The following KCNMA1 variants were observed in gnomAD, a reference collection of about 807,000 sequenced individuals.
The protein encoded by KCNMA1 is Calcium-activated potassium channel subunit alpha-1.
In KCNMA1, 29 loss-of-function variants were observed where a neutral mutation model predicts 140.0. The ratio of observed to expected loss-of-function variants is 0.21; its 90% CI spans 0.15 to 0.28. The LOEUF (loss-of-function observed/expected upper bound fraction) is 0.28. Among genes scored for constraint, KCNMA1 ranks in the 10% least tolerant of loss-of-function variants. The pLI, the probability that KCNMA1 is intolerant of heterozygous loss-of-function variation, is 1.00. For synonymous variants in KCNMA1, 612 were observed against 611.9 expected, an observed-to-expected ratio of 1.00 and a Z score of 0.00; for missense variants, 880 against 1,602.2, an observed-to-expected ratio of 0.55 and a Z score of 7.70.
chr10:77,636,306 CAG>C (rs1284893750), intron 1 of KCNMA1: 1 of 1,502,628 alleles, frequency 6.7e-7, no homozygotes, highest in African/African-American at 1.4e-5. Flanking sequence ...GACACGACTA[CAG>C]ACCAGGCAGT....
At position 77,090,437 on chromosome 10, in the gene KCNMA1, G is replaced by T. The variant is rs1232485384; in HGVS notation, c.1297C>A (p.Arg433=). Residue 433 remains arginine, a synonymous_variant, in exon 10 of 28, where the codon CGG becomes AGG. Transcript: ENST00000286628. ...NFLKDFLHKD[R]DDVNVEIVFL... is the part of the protein sequence containing the mutation. ...ACGATCTCCACATTGACGTCATCCCGGTCCTTGTGCAGAAAGTCCTTCAGG... is the reference window on the plus strand; with the variant it reads ...ACGATCTCCACATTGACGTCATCCCTGTCCTTGTGCAGAAAGTCCTTCAGG... 1 of 1,613,760 alleles carries T rather than the reference G, an allele frequency of 6.2e-7. No individual in the cohort carries two copies. The highest frequency in any genetic ancestry group is 8.5e-7 in the Non-Finnish European group (1 of 1,179,678).
At chr10:76,926,835 G>T (rs557918664) in intron 23 of KCNMA1, among the ~76,000 whole-genome samples, 2 of 152,000 alleles carry the variant, frequency 1.3e-5, no homozygotes, top group African/African-American at 4.8e-5. Context: ...CAAGAGATGC[G>T]CACCAAATAC....
chr10:76,925,345 G>C (rs1357121507), intron 23 of KCNMA1, among the ~76,000 whole-genome samples: 1 of 152,130 alleles, frequency 6.6e-6, no homozygotes, highest in Non-Finnish European at 1.5e-5. Flanking sequence ...AGAGGACAAA[G>C]GCTGTTTTGC....
chr10:77,413,131 T>C (rs753741581), intron 1 of KCNMA1, among the ~76,000 whole-genome samples: 17 of 152,268 alleles, frequency 1.1e-4, no homozygotes, highest in Non-Finnish European at 2.1e-4. Context: ...GTGCTAGGAT[T>C]TACAGGAGTG....
At position 77,027,906 on chromosome 10, in the gene KCNMA1, A is replaced by G. The variant is rs1326385421; in HGVS notation, c.1860-15T>C. On this transcript the variant is annotated splice_polypyrimidine_tract_variant and intron_variant, in intron 15 of 27. Transcript: ENST00000286628. ...CAAAACACAGCCTGCAATGAGATGGAGAAGCCTCCCAATCAGTTCTTCTGA... is the reference window on the plus strand; with the variant it reads ...CAAAACACAGCCTGCAATGAGATGGGGAAGCCTCCCAATCAGTTCTTCTGA... The G allele has an allele frequency of 6.2e-7, 1 of 1,610,496 alleles. No homozygotes were observed. Among genetic ancestry groups the G allele is most frequent in the Admixed American group, 1.7e-5 (1 of 60,002 alleles).
chr10:77,564,263 T>C (rs751119610), intron 1 of KCNMA1, among the ~76,000 whole-genome samples: 2 of 152,192 alleles, frequency 1.3e-5, no homozygotes, highest in Non-Finnish European at 2.9e-5. Flanking sequence ...GAAGTGGCTC[T>C]CACCACGCTG....
chr10:76,948,739 T>C (rs554652468), intron 22 of KCNMA1, among the ~76,000 whole-genome samples: 21 of 152,326 alleles, frequency 1.4e-4, no homozygotes, highest in African/African-American at 5.1e-4. Flanking sequence ...AAACAGAAGG[T>C]GGCACAGATC....
chr10:77,058,476 C>G (rs1164183456), intron 14 of KCNMA1, among the ~76,000 whole-genome samples: 1 of 152,020 alleles, frequency 6.6e-6, no homozygotes, highest in Non-Finnish European at 1.5e-5. Context: ...TTAAGCTCAC[C>G]TGGAACATTC....
At chr10:77,301,125 T>C (rs1310053418) in intron 2 of KCNMA1, among the ~76,000 whole-genome samples, 1 of 152,120 alleles carries the variant, frequency 6.6e-6, no homozygotes, top group Non-Finnish European at 1.5e-5. Context: ...AATCAAAACT[T>C]CACTGACTTA....
chr10:77,426,792 G>A (rs189367012), intron 1 of KCNMA1, among the ~76,000 whole-genome samples: 234 of 152,290 alleles, frequency 1.5e-3, no homozygotes, highest in African/African-American at 4.9e-3. Flanking sequence ...GAGCCTTAAA[G>A]GGCAAAGCCT....
chr10:77,247,565 G>A (rs1322158161), intron 3 of KCNMA1, among the ~76,000 whole-genome samples: 1 of 152,192 alleles, frequency 6.6e-6, no homozygotes, highest in Admixed American at 6.5e-5. Context: ...CAGGGTTGGC[G>A]TTGGTGTCGG....
chr10:77,595,964 T>C (rs983671062), intron 1 of KCNMA1, among the ~76,000 whole-genome samples: 1 of 152,192 alleles, frequency 6.6e-6, no homozygotes, highest in African/African-American at 2.4e-5. Flanking sequence ...TAGGTTAGTT[T>C]ATCCAATCAC....
chr10:77,428,003 G>T (rs539484949), intron 1 of KCNMA1, among the ~76,000 whole-genome samples: 1 of 151,886 alleles, frequency 6.6e-6, no homozygotes, highest in Non-Finnish European at 1.5e-5. Context: ...CACCTGCCTC[G>T]GCCTCCCAAA....
At chr10:77,600,430 A>T (rs2082251334) in intron 1 of KCNMA1, among the ~76,000 whole-genome samples, 1 of 152,200 alleles carries the variant, frequency 6.6e-6, no homozygotes, top group African/African-American at 2.4e-5. Flanking sequence ...TGTGGCTATC[A>T]GGACACAGAG....
intron 1 of KCNMA1, among the ~76,000 whole-genome samples, chr10:77,559,217 C>G (rs1200059553): frequency 6.6e-6 from 1 of 152,214 alleles, no homozygotes; most frequent in East Asian, 1.9e-4. Context: ...ACTGGTGCAT[C>G]CCTACCAGGG....
chr10:76,940,169 A>G (rs918399484), intron 23 of KCNMA1, among the ~76,000 whole-genome samples: 15 of 152,206 alleles, frequency 9.9e-5, no homozygotes, highest in African/African-American at 2.9e-4. Flanking sequence ...CGGATATACC[A>G]TCTGGCTTGG....
intron 23 of KCNMA1, among the ~76,000 whole-genome samples, chr10:76,918,220 C>T (rs1415264211): frequency 6.6e-6 from 1 of 152,174 alleles, no homozygotes; most frequent in Admixed American, 6.5e-5. Context: ...GGAAACACTC[C>T]CTTCATTAGT....
At chr10:77,631,746 G>A (rs2093234625) in intron 1 of KCNMA1, among the ~76,000 whole-genome samples, 2 of 152,312 alleles carry the variant, frequency 1.3e-5, no homozygotes, top group East Asian at 3.9e-4. Flanking sequence ...GCAAAGAGAA[G>A]GTCCATTTGG....
intron 18 of KCNMA1, among the ~76,000 whole-genome samples, chr10:77,009,065 A>G (rs1397133952): frequency 6.6e-6 from 1 of 152,184 alleles, no homozygotes; most frequent in African/African-American, 2.4e-5. Flanking sequence ...AGCAATATTC[A>G]GACAATTCTG....
Sources: gnomAD v4.1 joint callset for allele counts (sites outside exome capture counted in the v4.1 genomes callset) on GRCh38, gnomAD v4.1.1 for gene constraint, MANE v1.5 for transcripts, NCBI Gene and HGNC (gene_info 2026-07-23, HGNC 2026-07-21) for gene names.